Variants in NTRK3 observed in about 807,000 individuals in gnomAD.
NTRK3 encodes the protein neurotrophic receptor tyrosine kinase 3.
In NTRK3, 24 loss-of-function variants were observed where a neutral mutation model predicts 91.7. The ratio of observed to expected loss-of-function variants is 0.26; its 90% CI spans 0.19 to 0.37. The LOEUF (loss-of-function observed/expected upper bound fraction) is 0.37, where lower values mean the gene tolerates loss of function less well. Among genes scored for constraint, NTRK3 ranks in the 10% least tolerant of loss-of-function variants. NTRK3 has a pLI of 1.00. For synonymous variants in NTRK3, 483 were observed against 404.0 expected, an observed-to-expected ratio of 1.20 and a Z score of -2.34; for missense variants, 880 against 1,068.9, an observed-to-expected ratio of 0.82 and a Z score of 2.46.
At chr15:88,050,011 C>T (rs950290298) in intron 13 of NTRK3, among the ~76,000 whole-genome samples, 2 of 152,164 alleles carry the variant, frequency 1.3e-5, no homozygotes, top group Admixed American at 1.3e-4. Context: ...TTGGGAAACT[C>T]TGAATGGGCT....
At chr15:87,873,799 C>T (rs2064884209) in exon 19 of NTRK3, 1 of 231,876 alleles carries the variant, frequency 4.3e-6, no homozygotes, top group Non-Finnish European at 8.5e-6. Context: ...TCCTGGCTTA[C>T]AGTCGTCTCA....
intron 3 of NTRK3, among the ~76,000 whole-genome samples, chr15:88,197,120 A>AC (rs1432878819): frequency 2.4e-4 from 36 of 148,300 alleles, no homozygotes; most frequent in Non-Finnish European, 3.6e-4. Flanking sequence ...AAAAAAAAAA[A>AC]AAAAAAACCT....
At chr15:88,229,325 G>A (rs62022859) in intron 3 of NTRK3, among the ~76,000 whole-genome samples, 2,225 of 152,264 alleles carry the variant, frequency 0.015, 31 homozygotes, top group South Asian at 0.022. Context: ...TAGAGCCCAT[G>A]AGCAGGAGAA....
chr15:87,940,788 C>T (rs772096507), intron 14 of NTRK3, 35 bp from the exon 15 acceptor site: 4 of 1,613,850 alleles, frequency 2.5e-6, no homozygotes, highest in Non-Finnish European at 3.4e-6. Flanking sequence ...GGCAGCAAAT[C>T]AGTCCTCGTT....
chr15:88,049,994 A>G (rs528730952), intron 13 of NTRK3, among the ~76,000 whole-genome samples: 4 of 152,314 alleles, frequency 2.6e-5, no homozygotes, highest in East Asian at 1.9e-4. Context: ...TTTTAGAAAC[A>G]TATCTGTTGG....
Position 88,160,986 on chromosome 15 carries a change from C to A in NTRK3, c.396-13583G>T, listed in dbSNP as rs2151432190. 2.0e-5 allele frequency among the ~76,000 whole-genome samples: 3 copies of A among 152,262 alleles called. 1 individual carries two copies. The South Asian group carries it at 6.2e-4, about 32-fold the overall frequency. On this transcript the variant is annotated intron_variant, in intron 5 of 18. Coordinates refer to ENST00000394480, the Ensembl canonical transcript of NTRK3. The stretch of plus-strand genomic sequence containing the variant: ...ACCATGCAAGTCCTAATAATATCAG[C>A]CTTATGGGGCAATTCTAAAGATCAA...
intron 10 of NTRK3, among the ~76,000 whole-genome samples, chr15:88,130,890 T>C (rs1331688542): frequency 1.3e-5 from 2 of 151,046 alleles, no homozygotes; most frequent in Non-Finnish European, 1.5e-5. Context: ...ATAATAGTGA[T>C]GGACCAATGT....
chr15:88,202,322 C>T (rs1474251624), intron 3 of NTRK3, among the ~76,000 whole-genome samples: 3 of 152,240 alleles, frequency 2.0e-5, no homozygotes, highest in Admixed American at 6.5e-5. Flanking sequence ...CTGACTTTCT[C>T]TCCTGGCCTT....
At chr15:88,067,972 C>G (rs1343229761) in intron 13 of NTRK3, among the ~76,000 whole-genome samples, 1 of 152,126 alleles carries the variant, frequency 6.6e-6, no homozygotes, top group East Asian at 1.9e-4. Flanking sequence ...TTTACAGGAT[C>G]CACATCTTAC....
At chr15:88,142,313 A>G (rs574240570) in intron 6 of NTRK3, among the ~76,000 whole-genome samples, 20 of 152,368 alleles carry the variant, frequency 1.3e-4, no homozygotes, top group African/African-American at 4.8e-4. Context: ...TTAATAATAC[A>G]GCAGCAGCTG....
chr15:88,194,969 C>G (rs1393308300), intron 3 of NTRK3, among the ~76,000 whole-genome samples: 1 of 152,192 alleles, frequency 6.6e-6, no homozygotes, highest in South Asian at 2.1e-4. Flanking sequence ...CCTGACCAAC[C>G]TAGCTAGGGT....
chr15:88,098,799 A>G (rs575135937), intron 13 of NTRK3: 1 of 233,124 alleles, frequency 4.3e-6, no homozygotes, highest in African/African-American at 2.2e-5. Flanking sequence ...AGTGTGAAAG[A>G]CAGGCATTCA....
At chr15:88,047,980 T>G (rs2080400874) in intron 13 of NTRK3, among the ~76,000 whole-genome samples, 1 of 152,170 alleles carries the variant, frequency 6.6e-6, no homozygotes, top group Non-Finnish European at 1.5e-5. Context: ...CCAACATGTC[T>G]CCATCCTATC....
intron 18 of NTRK3, among the ~76,000 whole-genome samples, chr15:87,877,401 T>G (rs2064998190): frequency 6.6e-6 from 1 of 152,130 alleles, no homozygotes; most frequent in African/African-American, 2.4e-5. Flanking sequence ...TACTCTCTTC[T>G]CTTTTACCTC....
chr15:88,026,010 G>C (rs1415601445), intron 14 of NTRK3, among the ~76,000 whole-genome samples: 1 of 152,156 alleles, frequency 6.6e-6, no homozygotes, highest in African/African-American at 2.4e-5. Context: ...GGTGGCTCAC[G>C]CCTGTAATCC....
rs139306082 is a variant in NTRK3, at chr15:88,070,399, G to T, written c.1397-37354C>A. On this transcript the variant is annotated intron_variant, in intron 13 of 18. Coordinates refer to ENST00000394480, the Ensembl canonical transcript of NTRK3. ...GGGCGGGCTACCCACAGAGAGGGGC[G>T]CTGGGGTCTCTGTGGGCATTCTGGC... 3.0e-3 allele frequency among the ~76,000 whole-genome samples: 454 copies of T among 152,114 alleles called. 1 individual carries two copies. Among genetic ancestry groups the T allele is most frequent in the Non-Finnish European group, 5.0e-3 (337 of 67,986 alleles).
At chr15:88,231,323 C>A (rs1057435369) in intron 3 of NTRK3, among the ~76,000 whole-genome samples, 4 of 152,144 alleles carry the variant, frequency 2.6e-5, no homozygotes, top group Non-Finnish European at 5.9e-5. Context: ...CCTTGCCCCC[C>A]ACCCACATCA....
In NTRK3 at chr15:87,965,090, G is replaced by T. The variant is rs78596748; in HGVS notation, c.1586-24337C>A. ...TTTTAAAAAAAGGTAGCAAAGTAAT[G>T]TGTATGTGCATGTGCACGTGGAATG... On this transcript the variant is annotated intron_variant, in intron 14 of 18. Transcript: ENST00000394480. Among the ~76,000 whole-genome samples, 716 of 152,326 alleles carry T rather than the reference G, an allele frequency of 4.7e-3. 8 individuals carry two copies. Among genetic ancestry groups the T allele is most frequent in the African/African-American group, 0.016 (683 of 41,566 alleles).
At chr15:88,077,319 C>T (rs1489924688) in intron 13 of NTRK3, among the ~76,000 whole-genome samples, 3 of 152,040 alleles carry the variant, frequency 2.0e-5, no homozygotes, top group Admixed American at 6.6e-5. Flanking sequence ...AATGTTTTAT[C>T]TTGAGTCACG....
Sources: allele counts gnomAD v4.1 joint callset (sites outside exome capture counted in the v4.1 genomes callset), GRCh38; gene constraint gnomAD v4.1.1; transcripts MANE v1.5; gene names NCBI Gene and HGNC (gene_info 2026-07-23, HGNC 2026-07-21).